The following CUBN variants were observed in gnomAD, a reference collection of about 807,000 sequenced individuals.
The protein encoded by CUBN is 460 kDa receptor.
Under a neutral mutation model 405.3 loss-of-function variants are expected in CUBN, and 282 were observed. The ratio of observed to expected loss-of-function variants is 0.70; its 90% confidence interval spans 0.63 to 0.77. The LOEUF is 0.77. CUBN is among the 30% of genes least tolerant of loss of function. The pLI is 0.00. For synonymous variants in CUBN, 1,684 were observed against 1,617.0 expected, an observed-to-expected ratio of 1.04 and a Z score of -0.99; for missense variants, 4,514 against 4,475.2, an observed-to-expected ratio of 1.01 and a Z score of -0.25.
rs538232045 is a variant in CUBN, at chr10:16,971,250, C to T, written c.4695+11234G>A. Among the ~76,000 whole-genome samples the T allele has an allele frequency of 5.3e-5, 8 of 152,320 alleles. No individual in the cohort carries two copies. The South Asian group carries it at 1.7e-3, about 32-fold the overall frequency. The stretch of plus-strand genomic sequence containing the variant: ...AGGATTGGCTTTATATGAACTGAGA[C>T]TGCAGAGATATTATGTAAGATGTTG... On this transcript the variant is annotated intron_variant, in intron 31 of 66. Coordinates refer to ENST00000377833, the MANE Select transcript of CUBN (RefSeq NM_001081.4).
chr10:16,863,743 T>C (rs1201082288), intron 59 of CUBN, among the ~76,000 whole-genome samples: 1 of 152,220 alleles, frequency 6.6e-6, no homozygotes, highest in African/African-American at 2.4e-5. Context: ...GTTTTCCATC[T>C]TTGTGGCCCT....
intron 59 of CUBN, among the ~76,000 whole-genome samples, chr10:16,854,007 C>T (rs1003991198): frequency 3.9e-5 from 6 of 152,022 alleles, no homozygotes; most frequent in East Asian, 1.9e-4. Flanking sequence ...ATAATGATGA[C>T]GCAATTTAGA....
At position 16,952,308 on chromosome 10, in the gene CUBN, TTC is replaced by T; in HGVS notation, c.4935_4936del (p.Asn1646LeufsTer22). 6.2e-7 allele frequency: 1 copy of T among 1,613,030 alleles called. No individual in the cohort carries two copies. The highest frequency in any genetic ancestry group is 1.1e-5 in the South Asian group (1 of 91,052). ...TTGCGCTTGAATGATCCAGCTGCAG[TTC>T]TGATTGTTTGGATAATTGGCAGGGA... On this transcript the variant is annotated frameshift_variant, in exon 33 of 67. Transcript: ENST00000377833. LOFTEE classifies it high-confidence loss of function.
At chr10:17,000,288 C>A (rs1833842309) in intron 28 of CUBN, among the ~76,000 whole-genome samples, 1 of 145,196 alleles carries the variant, frequency 6.9e-6, no homozygotes, top group Non-Finnish European at 1.5e-5. Flanking sequence ...TGGTTTCTCC[C>A]AGATCGGTGG....
chr10:17,047,329 AT>A (rs35217629), intron 23 of CUBN, 84 bp downstream of exon 23: 3 of 1,149,602 alleles, frequency 2.6e-6, no homozygotes, highest in Non-Finnish European at 3.8e-6. Flanking sequence ...GAATTTCCAT[AT>A]TTTTTTCCTT....
chr10:16,933,773 T>C (rs1842424371), intron 39 of CUBN, among the ~76,000 whole-genome samples: 1 of 152,168 alleles, frequency 6.6e-6, no homozygotes, highest in South Asian at 2.1e-4. Context: ...TCCAGAAACA[T>C]GTCGGAGCTT....
intron 27 of CUBN, among the ~76,000 whole-genome samples, chr10:17,038,847 C>T (rs1402500399): frequency 6.6e-6 from 1 of 152,172 alleles, no homozygotes; most frequent in Non-Finnish European, 1.5e-5. Context: ...TTCTGAACTT[C>T]TGGTTCTCAT....
At position 16,834,866 on chromosome 10, in the gene CUBN, A is replaced by C. The variant is rs552640113; in HGVS notation, c.10362+148T>G. On this transcript the variant is annotated intron_variant, in intron 64 of 66. Transcript: ENST00000377833. ...CGGTGTTTGGACTGGTGCTCTGTAG[A>C]TGTTTAGGGAATGAAAGGGTAATGA... The C allele has an allele frequency of 4.4e-6, 4 of 913,406 alleles. No homozygotes were observed. The East Asian group carries it at 1.1e-4, about 24-fold the overall frequency. The allele number at this position is 913,406 out of a possible 1,614,324, so 56.6% of individuals were successfully genotyped here.
At chr10:16,982,076 G>A (rs960082674) in intron 31 of CUBN, among the ~76,000 whole-genome samples, 8 of 152,182 alleles carry the variant, frequency 5.3e-5, no homozygotes, top group Non-Finnish European at 8.8e-5. Context: ...TGATATATCA[G>A]GGGCTTTTTT....
chr10:16,844,437 G>C (rs796735001), intron 60 of CUBN, among the ~76,000 whole-genome samples: 6 of 152,074 alleles, frequency 3.9e-5, no homozygotes, highest in African/African-American at 1.4e-4. Flanking sequence ...GAGAAATGAC[G>C]AAGTCCAACA....
chr10:17,095,018 G>A (rs1836341773), intron 14 of CUBN, among the ~76,000 whole-genome samples: 1 of 151,926 alleles, frequency 6.6e-6, no homozygotes, highest in African/African-American at 2.4e-5. Context: ...TTACAAAACT[G>A]TAGTAATCAA....
chr10:17,126,688 G>T (rs887088830), intron 4 of CUBN, 73 bp downstream of exon 4: 2 of 1,477,582 alleles, frequency 1.4e-6, no homozygotes, highest in Non-Finnish European at 1.9e-6. Context: ...TTCAAAATAA[G>T]AATAGCAGCT....
chr10:16,831,185 C>T, intron 65 of CUBN, 67 bp downstream of exon 65: 2 of 1,393,254 alleles, frequency 1.4e-6, no homozygotes, highest in South Asian at 1.2e-5. Flanking sequence ...AGTTACTTTG[C>T]CTTTTACTAT....
intron 22 of CUBN, among the ~76,000 whole-genome samples, chr10:17,061,737 T>C (rs1379852275): frequency 6.6e-6 from 1 of 152,186 alleles, no homozygotes; most frequent in African/African-American, 2.4e-5. Flanking sequence ...GCCATTTCCC[T>C]GGACAATTGT....
At chr10:16,990,753 A>G (rs1833561076) in intron 28 of CUBN, among the ~76,000 whole-genome samples, 1 of 152,196 alleles carries the variant, frequency 6.6e-6, no homozygotes, top group Non-Finnish European at 1.5e-5. Context: ...TTAGTACAAT[A>G]ATGCTCGATC....
chr10:16,862,790 C>T (rs149710329), intron 59 of CUBN, among the ~76,000 whole-genome samples: 8 of 152,282 alleles, frequency 5.3e-5, no homozygotes, highest in South Asian at 2.1e-4. Flanking sequence ...CAGTTACCTG[C>T]GACAAAACTA....
intron 31 of CUBN, among the ~76,000 whole-genome samples, chr10:16,973,280 T>C (rs572712870): frequency 6.6e-6 from 1 of 152,318 alleles, no homozygotes; most frequent in Admixed American, 6.5e-5. Context: ...CTCTGCCACT[T>C]AAATGTCGCC....
chr10:16,957,033 G>A (rs557575515), intron 31 of CUBN, among the ~76,000 whole-genome samples: 2 of 152,120 alleles, frequency 1.3e-5, no homozygotes, highest in Non-Finnish European at 2.9e-5. Context: ...AGACCATTAA[G>A]AATCCTCTCT....
chr10:17,086,820 A>G (rs1054342596), intron 15 of CUBN, among the ~76,000 whole-genome samples: 10 of 152,234 alleles, frequency 6.6e-5, no homozygotes, highest in African/African-American at 2.4e-4. Context: ...TGTAGTTTAA[A>G]GAGAAATGAG....
Sources: allele counts gnomAD v4.1 joint callset (sites outside exome capture counted in the v4.1 genomes callset), GRCh38; gene constraint gnomAD v4.1.1; transcripts MANE v1.5; gene names NCBI Gene and HGNC (gene_info 2026-07-23, HGNC 2026-07-21).